Variants in EPC2 observed in about 807,000 individuals in gnomAD.
EPC2 encodes the protein enhancer of polycomb homolog 2.
Under a neutral mutation model 92.1 loss-of-function variants are expected in EPC2, and 14 were observed. The ratio of observed to expected loss-of-function variants is 0.15; its 90% CI spans 0.10 to 0.24. The LOEUF (loss-of-function observed/expected upper bound fraction) is 0.24. EPC2 is among the 10% of genes least tolerant of loss of function. The pLI is 1.00. For synonymous variants in EPC2, 340 were observed against 334.7 expected, an observed-to-expected ratio of 1.02 and a Z score of -0.17; for missense variants, 755 against 971.5, an observed-to-expected ratio of 0.78 and a Z score of 2.96.
At chr2:148,719,513 G>A (rs973285581) in intron 2 of EPC2, among the ~76,000 whole-genome samples, 10 of 152,214 alleles carry the variant, frequency 6.6e-5, no homozygotes, top group African/African-American at 2.2e-4. Flanking sequence ...CTGGAGGTCC[G>A]CTCCAAACCC....
intron 1 of EPC2, among the ~76,000 whole-genome samples, chr2:148,666,043 G>A (rs1018804641): frequency 3.3e-5 from 5 of 152,216 alleles, no homozygotes; most frequent in African/African-American, 1.2e-4. Flanking sequence ...CTACAAGCCA[G>A]TATTTAGAAT....
Position 148,769,174 on chromosome 2 carries a change from G to T in EPC2, c.1164G>T (p.Pro388=), listed in dbSNP as rs772460144. 2.5e-6 allele frequency: 4 copies of T among 1,612,484 alleles called. No individual in the cohort carries two copies. Among genetic ancestry groups the T allele is most frequent in the Non-Finnish European group, 3.4e-6 (4 of 1,179,222 alleles). ...AGGTATTGTCCCCAGTATCAGAACC[G>T]GAAGAAGAAAATGATCCTGATGGTC... is the stretch of plus-strand genomic sequence containing the variant. ...FPQVLSPVSE[P]EEENDPDGPC... Residue 388 remains proline (P), a synonymous_variant, in exon 8 of 14, where the codon CCG becomes CCT. Transcript: ENST00000258484.
intron 2 of EPC2, among the ~76,000 whole-genome samples, chr2:148,712,259 G>T (rs540518114): frequency 6.6e-6 from 1 of 152,112 alleles, no homozygotes; most frequent in East Asian, 1.9e-4. Flanking sequence ...GTGTGTGTGT[G>T]TGTGTTTGCC....
chr2:148,648,238 C>G (rs950931701), intron 1 of EPC2, among the ~76,000 whole-genome samples: 1 of 151,326 alleles, frequency 6.6e-6, no homozygotes, highest in Non-Finnish European at 1.5e-5. Context: ...ATTAGTTTTT[C>G]TTTTTCTTTC....
intron 10 of EPC2, among the ~76,000 whole-genome samples, chr2:148,780,931 G>A (rs150789487): frequency 6.6e-6 from 1 of 152,222 alleles, no homozygotes; most frequent in East Asian, 1.9e-4. Context: ...TAACTTAGCT[G>A]ATTTTTTCAA....
chr2:148,690,999 C>T (rs1195229206), intron 2 of EPC2, among the ~76,000 whole-genome samples: 1 of 152,160 alleles, frequency 6.6e-6, no homozygotes, highest in Non-Finnish European at 1.5e-5. Flanking sequence ...CCCTAATGCC[C>T]AGGAGTAGTC....
intron 7 of EPC2, among the ~76,000 whole-genome samples, chr2:148,765,399 A>T (rs1558834076): frequency 6.6e-6 from 1 of 152,092 alleles, no homozygotes; most frequent in African/African-American, 2.4e-5. Flanking sequence ...ATGAACATAG[A>T]TTTTTTCCCT....
intron 2 of EPC2, among the ~76,000 whole-genome samples, chr2:148,695,424 C>T (rs1269098135): frequency 1.3e-5 from 2 of 152,148 alleles, no homozygotes; most frequent in African/African-American, 2.4e-5. Flanking sequence ...GAAGCTGACT[C>T]CTCAGACTGA....
At chr2:148,785,735 G>A (rs566592694) in intron 13 of EPC2, among the ~76,000 whole-genome samples, 176 of 152,198 alleles carry the variant, frequency 1.2e-3, no homozygotes, top group African/African-American at 3.0e-3. Context: ...CATACACAAA[G>A]GGAAAGTAAA....
intron 6 of EPC2, among the ~76,000 whole-genome samples, 158 bp downstream of exon 6, chr2:148,762,960 A>G (rs977931324): frequency 1.3e-5 from 2 of 152,132 alleles, no homozygotes; most frequent in Non-Finnish European, 2.9e-5. Flanking sequence ...GAGTATTTAT[A>G]TACATACTGA....
chr2:148,730,860 C>T (rs1211435376), intron 2 of EPC2, among the ~76,000 whole-genome samples: 1 of 152,214 alleles, frequency 6.6e-6, no homozygotes, highest in Admixed American at 6.5e-5. Context: ...GACTTGTAAA[C>T]TATTCAACCC....
chr2:148,709,229 G>T (rs1682076992), intron 2 of EPC2, among the ~76,000 whole-genome samples: 1 of 152,078 alleles, frequency 6.6e-6, no homozygotes, highest in Non-Finnish European at 1.5e-5. Context: ...AATCATGAGG[G>T]AACTCCCATT....
intron 1 of EPC2, among the ~76,000 whole-genome samples, chr2:148,645,829 C>G (rs1683787375): frequency 6.6e-6 from 1 of 152,182 alleles, no homozygotes; most frequent in Non-Finnish European, 1.5e-5. Flanking sequence ...TCTGCCTGCT[C>G]CGCCTGGACG....
chr2:148,699,390 A>G (rs374285778), intron 2 of EPC2, among the ~76,000 whole-genome samples: 2 of 152,182 alleles, frequency 1.3e-5, no homozygotes, highest in East Asian at 3.8e-4. Context: ...TGATTACAGT[A>G]TCCTACAGAA....
At chr2:148,762,156 A>C in intron 5 of EPC2, 1 of 275,260 alleles carries the variant, frequency 3.6e-6, no homozygotes, top group South Asian at 8.5e-5. Flanking sequence ...TAGATCCTAT[A>C]CTTAATTTTG....
intron 2 of EPC2, among the ~76,000 whole-genome samples, chr2:148,703,341 G>A (rs1681925968): frequency 1.3e-5 from 2 of 151,910 alleles, no homozygotes; most frequent in South Asian, 4.1e-4. Context: ...TTTTTAAAAA[G>A]TATGTTCTGG....
At chr2:148,724,621 G>A (rs10183206) in intron 2 of EPC2, among the ~76,000 whole-genome samples, 146,643 of 152,212 alleles carry the variant, frequency 0.96, 70,876 homozygotes, top group Middle Eastern at 1. Flanking sequence ...GTGTTAGTTG[G>A]CCCACAATGT....
chr2:148,761,439 T>C (rs115539361), intron 4 of EPC2, among the ~76,000 whole-genome samples: 1 of 152,204 alleles, frequency 6.6e-6, no homozygotes, highest in African/African-American at 2.4e-5. Context: ...CTCTCTGTCA[T>C]TGGAAAATAC....
At chr2:148,712,729 A>G (rs1457449667) in intron 2 of EPC2, among the ~76,000 whole-genome samples, 1 of 152,076 alleles carries the variant, frequency 6.6e-6, no homozygotes, top group African/African-American at 2.4e-5. Flanking sequence ...CAAAAAATGA[A>G]AACAATAGCC....
Sources: gnomAD v4.1 joint callset for allele counts (sites outside exome capture counted in the v4.1 genomes callset) on GRCh38, gnomAD v4.1.1 for gene constraint, MANE v1.5 for transcripts, NCBI Gene and HGNC (gene_info 2026-07-23, HGNC 2026-07-21) for gene names.